The following WDR81 variants were observed in gnomAD, a reference collection of about 807,000 sequenced individuals.
WDR81 encodes the protein WD repeat domain 81.
A neutral mutation model predicts 140.8 loss-of-function variants in WDR81; 92 were observed. That is an observed-to-expected ratio of 0.65 (90% CI 0.55 to 0.78). The LOEUF is 0.78. WDR81 is among the 30% of genes least tolerant of loss of function. The pLI is 0.00. For missense variants in WDR81, 2,502 were observed against 2,636.4 expected (o/e 0.95, Z 1.12); for synonymous variants, 1,183 against 1,156.4 (o/e 1.02, Z -0.47).
In WDR81 at chr17:1,726,116, T is replaced by C. The variant is rs1915232687; in HGVS notation, c.1157T>C (p.Val386Ala). The C allele has an allele frequency of 1.9e-6, 3 of 1,544,024 alleles. No homozygotes were observed. The highest frequency in any genetic ancestry group is 1.8e-6 in the Non-Finnish European group (2 of 1,142,604). ...AACTACCACCCCGTGCTGCCCTGGG[T>C]GGTGGACTTCACTACGCCCCATGGG... ...DPNYHPVLPW[V>A]VDFTTPHGRF... Residue 386 changes from valine to alanine, a missense_variant, in exon 1 of 10, where the codon GTG (valine) becomes GCG (alanine). Val to Ala is a moderately conservative substitution (Grantham distance 64). Around this residue, in one of 3 missense-constraint regions of WDR81, gnomAD observed 218 missense variants for 279.6 expected, o/e 0.78. Coordinates refer to ENST00000409644, the MANE Select transcript of WDR81 (RefSeq NM_001163809.2).
upstream of WDR81, among the ~76,000 whole-genome samples, chr17:1,723,455 ATTTTTATTTATT>A (rs1251279098): frequency 7.0e-5 from 8 of 113,770 alleles, no homozygotes; most frequent in African/African-American, 2.5e-4. Flanking sequence ...TTATTTATTT[ATTTTTATTTATT>A]TATTTATTTA....
chr17:1,720,832 G>A (rs1914824883), upstream of WDR81, among the ~76,000 whole-genome samples: 2 of 151,922 alleles, frequency 1.3e-5, no homozygotes, highest in Admixed American at 1.3e-4. Context: ...CTCAGATTGG[G>A]CCAGGGTTTG....
rs749242219 is a variant in WDR81, at chr17:1,728,481, G to T, written c.3522G>T (p.Glu1174Asp). Reference sequence around the variant, plus strand: ...AGGAGGAGGAGGGGGAGCAGGAGGAGGTCACCGGGGCATCTGAGCTCACTC... The same window carrying T: ...AGGAGGAGGAGGGGGAGCAGGAGGATGTCACCGGGGCATCTGAGCTCACTC... ...VLEEEEGEQE[E>D]VTGASELTLS... Residue 1174 changes from glutamate to aspartate, a missense_variant, in exon 1 of 10, where the codon GAG becomes GAT. Glu to Asp is a conservative substitution (Grantham distance 45). Coordinates refer to ENST00000409644, the MANE Select transcript of WDR81 (RefSeq NM_001163809.2). 6.2e-7 allele frequency: 1 copy of T among 1,604,528 alleles called. No individual in the cohort carries two copies. Among genetic ancestry groups the T allele is most frequent in the South Asian group, 1.1e-5 (1 of 90,308 alleles).
intron 1 of WDR81, among the ~76,000 whole-genome samples, chr17:1,718,482 G>A (rs576091712): frequency 6.6e-6 from 1 of 152,186 alleles, no homozygotes; most frequent in Non-Finnish European, 1.5e-5. Context: ...TCCATTTTTG[G>A]CTTTTGGCGG....
In WDR81 at chr17:1,736,223, C is replaced by G; in HGVS notation, c.5505+5C>G. ...GGGGACATTCTGCAGATCAAGGTGA[C>G]GGGCCGGGTCTCCCTCCCCTTGCTG... is the stretch of plus-strand genomic sequence containing the variant. On this transcript the variant is annotated splice_donor_5th_base_variant and intron_variant, in intron 9 of 9. Transcript: ENST00000409644. The G allele has an allele frequency of 6.3e-7, 1 of 1,592,432 alleles. No individual in the cohort carries two copies. The highest frequency in any genetic ancestry group is 8.5e-7 in the Non-Finnish European group (1 of 1,176,170).
At chr17:1,729,447 T>G (rs1449194880) in intron 1 of WDR81, among the ~76,000 whole-genome samples, 1 of 151,994 alleles carries the variant, frequency 6.6e-6, no homozygotes, top group Non-Finnish European at 1.5e-5. Flanking sequence ...ACCACTGCAC[T>G]GCAGCTTGGG....
At chr17:1,723,443 TTTTATTTA>T (rs371736848), upstream of WDR81, among the ~76,000 whole-genome samples, 7 of 142,142 alleles carry the variant, frequency 4.9e-5, no homozygotes, top group African/African-American at 1.8e-4. Context: ...TTGGTTTTAT[TTTTATTTA>T]TTTATTTTTA....
At chr17:1,723,451 ATT>A (rs1228728619), upstream of WDR81, among the ~76,000 whole-genome samples, 29 of 121,534 alleles carry the variant, frequency 2.4e-4, no homozygotes, top group African/African-American at 9.6e-4. Context: ...ATTTTTATTT[ATT>A]TATTTTTATT....
At chr17:1,724,008 A>ACT (rs1915040038), upstream of WDR81, among the ~76,000 whole-genome samples, 2 of 152,134 alleles carry the variant, frequency 1.3e-5, no homozygotes, top group Non-Finnish European at 2.9e-5. Context: ...AGTACTTAGG[A>ACT]AAGTTAAAAA....
chr17:1,733,627 C>T lies in WDR81; in HGVS notation c.4590C>T (p.Ser1530=), dbSNP rs377328201. ...GCCCCAGCAGTCGCAACCCTGCCAG[C>T]GTGGAGCCCACCATGCCCGGCACCG... The part of the protein sequence containing the change: ...SISPSSRNPA[S]VEPTMPGTGP... The change falls in exon 7 of 10, where the codon AGC becomes AGT. Residue 1530 remains serine (S), a synonymous_variant. Coordinates refer to ENST00000409644, the MANE Select transcript of WDR81 (RefSeq NM_001163809.2). 325 of 1,597,298 alleles carry T rather than the reference C, an allele frequency of 2.0e-4. 1 individual carries two copies. Among genetic ancestry groups the T allele is most frequent in the Admixed American group, 9.6e-4 (56 of 58,440 alleles).
intron 1 of WDR81, among the ~76,000 whole-genome samples, chr17:1,730,061 G>T (rs1463430361): frequency 2.0e-5 from 3 of 152,154 alleles, no homozygotes; most frequent in Admixed American, 6.5e-5. Context: ...CCGAGGGAGT[G>T]GAGGGAAGAG....
At position 1,735,645 on chromosome 17, in the gene WDR81, C is replaced by T. The variant is rs1441948731; in HGVS notation, c.5253C>T (p.Pro1751=). The stretch of plus-strand genomic sequence containing the variant: ...CTGCGGTGGCTGTCATGCCCGCCCC[C>T]CACACCAGCATCACCATGGCCAGCT... ...PLTAVAVMPA[P]HTSITMASSD... Residue 1751 remains proline, a synonymous_variant, in exon 8 of 10, where the codon CCC becomes CCT. Coordinates refer to ENST00000409644, the MANE Select transcript of WDR81 (RefSeq NM_001163809.2). The surrounding 1 kb of genome is among the most constrained non-coding windows in gnomAD (Gnocchi z 4.2). The T allele has an allele frequency of 5.0e-6, 8 of 1,612,836 alleles. No homozygotes were observed. The highest frequency in any genetic ancestry group is 6.8e-6 in the Non-Finnish European group (8 of 1,179,944).
intron 9 of WDR81, among the ~76,000 whole-genome samples, chr17:1,736,867 G>A (rs980457135): frequency 6.6e-6 from 1 of 152,202 alleles, no homozygotes; most frequent in African/African-American, 2.4e-5. Context: ...CCTGCTGACA[G>A]CAGGCTGTCG....
Position 1,725,191 on chromosome 17 carries a change from C to A in WDR81, c.232C>A (p.Arg78Ser), listed in dbSNP as rs890821315. The A allele has an allele frequency of 2.5e-5, 39 of 1,537,060 alleles. No homozygotes were observed. The highest frequency in any genetic ancestry group is 3.3e-5 in the Non-Finnish European group (38 of 1,146,416). ...CCGGCTGCCCCTGGGACCCTGTCCC[C>A]GCGCAGAGGGCCTGGGAGAAGCGGA... is the stretch of plus-strand genomic sequence containing the variant. ...DRRLPLGPCP[R>S]AEGLGEAEVR... The change falls in exon 1 of 10, where the codon CGC (arginine) becomes AGC (serine). Residue 78 changes from arginine to serine, a missense_variant. By Grantham distance (110) the Arg-to-Ser change is moderately radical (BLOSUM62 -1). Coordinates refer to ENST00000409644, the MANE Select transcript of WDR81 (RefSeq NM_001163809.2).
Position 1,730,597 on chromosome 17 carries a change from C to A in WDR81, c.3775+110C>A, listed in dbSNP as rs560434043. 4.1e-5 allele frequency: 58 copies of A among 1,412,108 alleles called. No homozygotes were observed. In the African/African-American group the frequency reaches 7.5e-4, roughly 18 times the overall value. 87.5% of individuals were successfully genotyped at this position (1,412,108 alleles called of 1,614,324 possible). A position where few individuals can be genotyped will look rare whatever the true frequency, so the allele number is the denominator to read the frequency against. ...TCCCACCCCTCCCTCAAACCACCCC[C>A]CGGCCAGGTGCTGGGTCCCAGTCTA... On this transcript the variant is annotated intron_variant, in intron 2 of 9. Coordinates refer to ENST00000409644, the MANE Select transcript of WDR81 (RefSeq NM_001163809.2).
rs1263737351 is a variant in WDR81 at position 1,727,492 on chromosome 17, C to T, written c.2533C>T (p.Leu845=). 1 of 1,550,412 alleles carries T rather than the reference C, an allele frequency of 6.4e-7. No homozygotes were observed. The highest frequency in any genetic ancestry group is 8.7e-7 in the Non-Finnish European group (1 of 1,146,992). ...MGAERGKLDQ[L]FEYRPVSQGL... is the part of the protein sequence containing the mutation. Reference sequence around the variant, plus strand: ...AGCAGAGAGGGGCAAGCTGGACCAACTGTTTGAGTACAGGCCTGTCTCCCA... The same window carrying T: ...AGCAGAGAGGGGCAAGCTGGACCAATTGTTTGAGTACAGGCCTGTCTCCCA... Residue 845 remains leucine (L), a synonymous_variant, in exon 1 of 10, where the codon CTG becomes TTG. Coordinates refer to ENST00000409644, the MANE Select transcript of WDR81 (RefSeq NM_001163809.2).
At chr17:1,736,865 C>G (rs947720115) in intron 9 of WDR81, among the ~76,000 whole-genome samples, 6 of 152,314 alleles carry the variant, frequency 3.9e-5, no homozygotes, top group African/African-American at 1.2e-4. Flanking sequence ...GCCCTGCTGA[C>G]AGCAGGCTGT....
At position 1,731,124 on chromosome 17, in the gene WDR81, G is replaced by A. The variant is rs986609132; in HGVS notation, c.4023G>A (p.Gly1341=). ...PSRLNSRKEA[G]LLAAVTLTQK... ...GACTGAACAGCCGTAAGGAGGCGGG[G>A]CTGCTGGCCGCGGTGACGCTGACTC... The change falls in exon 4 of 10, where the codon GGG becomes GGA. Residue 1341 remains glycine (G), a synonymous_variant. Coordinates refer to ENST00000409644, the MANE Select transcript of WDR81 (RefSeq NM_001163809.2). The A allele has an allele frequency of 5.6e-6, 9 of 1,613,310 alleles. No individual in the cohort carries two copies. Among genetic ancestry groups the A allele is most frequent in the East Asian group, 2.2e-5 (1 of 44,882 alleles).
chr17:1,723,423 A>G (rs1443540962), upstream of WDR81, among the ~76,000 whole-genome samples: 2 of 146,558 alleles, frequency 1.4e-5, no homozygotes, highest in East Asian at 3.9e-4. Flanking sequence ...ATTTATTTTT[A>G]TTTATTTATT....
Sources: gnomAD v4.1 joint callset for allele counts (sites outside exome capture counted in the v4.1 genomes callset) on GRCh38, gnomAD v4.1.1 for gene constraint, gnomAD v4.1.1 regional missense constraint, Gnocchi (gnomAD v3.1) non-coding constraint, MANE v1.5 for transcripts, NCBI Gene and HGNC (gene_info 2026-07-23, HGNC 2026-07-21) for gene names.